The following SPAG6 variants were observed in gnomAD, a reference collection of about 807,000 sequenced individuals.
SPAG6 encodes sperm-associated antigen 6.
In SPAG6, 49 loss-of-function variants were observed where a neutral mutation model predicts 58.5. The observed-to-expected ratio is 0.84, with a 90% CI of 0.67 to 1.06. The LOEUF (loss-of-function observed/expected upper bound fraction) is 1.06. SPAG6 is among the 50% of genes least tolerant of loss of function. The pLI, the probability that SPAG6 is intolerant of heterozygous loss-of-function variation, is 0.00. For synonymous variants in SPAG6, 233 were observed against 225.6 expected (o/e 1.03, Z -0.29); for missense variants, 560 against 611.3 (o/e 0.92, Z 0.89).
rs1834869815 is a variant in SPAG6 at position 22,416,590 on chromosome 10, A to C, written c.1461-29A>C. 2.1e-6 allele frequency: 3 copies of C among 1,400,278 alleles called. No individual in the cohort carries two copies. In the African/African-American group the frequency reaches 4.2e-5, roughly 20 times the overall value. The allele number at this position is 1,400,278 out of a possible 1,614,324, so 86.7% of individuals were successfully genotyped here. A position where few individuals can be genotyped will look rare whatever the true frequency, so the allele number is the denominator to read the frequency against. On this transcript the variant is annotated intron_variant, in intron 10 of 10. Coordinates refer to ENST00000376624, the MANE Select transcript of SPAG6 (RefSeq NM_012443.4). ...TGCCTGCTGTGTTGATCGTTTCACC[A>C]GCATTTAATAGTGTATTTTCTTTTT...
rs181341932 is a variant in SPAG6, at chr10:22,413,222, C to T, written c.1460+2046C>T. 2.4e-3 allele frequency among the ~76,000 whole-genome samples: 354 copies of T among 149,702 alleles called. 9 individuals are homozygous for T. Among genetic ancestry groups the T allele is most frequent in the African/African-American group, 7.8e-3 (320 of 40,830 alleles). On this transcript the variant is annotated intron_variant, in intron 10 of 10. Coordinates refer to ENST00000376624, the MANE Select transcript of SPAG6 (RefSeq NM_012443.4). ...ATTGAGCACCAGGAAAAACTACAAA[C>T]TGCATCACATTAGAAATTAATCTAG...
intron 4 of SPAG6, among the ~76,000 whole-genome samples, chr10:22,378,067 T>TC (rs1439602216): frequency 1.4e-5 from 2 of 143,026 alleles, no homozygotes; most frequent in African/African-American, 5.2e-5. Context: ...TTTTTTTTTT[T>TC]TTTTTTTTCT....
intron 8 of SPAG6, among the ~76,000 whole-genome samples, chr10:22,395,435 T>C (rs779446506): frequency 2.6e-5 from 4 of 152,174 alleles, no homozygotes; most frequent in Non-Finnish European, 5.9e-5. Flanking sequence ...TGGGTTTGAA[T>C]TGGTATCTCA....
intron 4 of SPAG6, among the ~76,000 whole-genome samples, chr10:22,381,276 C>T (rs765309564): frequency 2.0e-5 from 3 of 151,792 alleles, no homozygotes; most frequent in Admixed American, 2.0e-4. Flanking sequence ...CCGTAGCAGG[C>T]CCACAGAGGG....
At chr10:22,413,688 G>GATATATATATATATATATAT (rs59765652) in intron 10 of SPAG6, among the ~76,000 whole-genome samples, 53 of 141,626 alleles carry the variant, frequency 3.7e-4, no homozygotes, top group African/African-American at 1.4e-3. Context: ...TCAAATTTCT[G>GATATATATATATATATATAT]ATATATATAT....
chr10:22,410,962 T>C, intron 9 of SPAG6, 69 bp from the exon 10 acceptor site: 1 of 1,494,626 alleles, frequency 6.7e-7, no homozygotes, highest in Non-Finnish European at 9.0e-7. Context: ...ACATACAGTA[T>C]TGCTTTTCAA....
chr10:22,398,507 C>G (rs1227182264), intron 8 of SPAG6, among the ~76,000 whole-genome samples: 2 of 152,184 alleles, frequency 1.3e-5, no homozygotes, highest in African/African-American at 4.8e-5. Context: ...AAGAGGATCA[C>G]TTGAGGTTAG....
At chr10:22,362,685 G>A (rs1837078980) in intron 2 of SPAG6, among the ~76,000 whole-genome samples, 1 of 151,928 alleles carries the variant, frequency 6.6e-6, no homozygotes, top group Admixed American at 6.6e-5. Context: ...AGCCATGATT[G>A]CACCCTGCAC....
chr10:22,382,306 C>A (rs1833974664), intron 4 of SPAG6, among the ~76,000 whole-genome samples: 1 of 152,116 alleles, frequency 6.6e-6, no homozygotes, highest in African/African-American at 2.4e-5. Flanking sequence ...AACAACTGAT[C>A]ATCAGATTTG....
chr10:22,376,868 T>A (rs1342328837), intron 4 of SPAG6, among the ~76,000 whole-genome samples: 2 of 151,880 alleles, frequency 1.3e-5, no homozygotes, highest in Non-Finnish European at 2.9e-5. Context: ...GAGGATTGCT[T>A]AAGGCCGGGA....
Position 22,405,684 on chromosome 10 carries a change from A to G in SPAG6, c.1314+4407A>G, listed in dbSNP as rs370030522. 3.3e-5 allele frequency among the ~76,000 whole-genome samples: 5 copies of G among 151,546 alleles called. No individual in the cohort carries two copies. The South Asian group carries it at 6.3e-4, about 19-fold the overall frequency. ...GTTAGGGAGGATTCCCTCTTTTTCTATTGATTGGAATAGTTTCAGAAGGAA... is the reference window on the plus strand; with the variant it reads ...GTTAGGGAGGATTCCCTCTTTTTCTGTTGATTGGAATAGTTTCAGAAGGAA... On this transcript the variant is annotated intron_variant, in intron 9 of 10. Coordinates refer to ENST00000376624, the MANE Select transcript of SPAG6 (RefSeq NM_012443.4).
chr10:22,385,917 G>A (rs370777610), intron 4 of SPAG6, among the ~76,000 whole-genome samples: 4 of 152,194 alleles, frequency 2.6e-5, no homozygotes, highest in African/African-American at 4.8e-5. Flanking sequence ...AATACAATGT[G>A]AGTAGAATCT....
intron 2 of SPAG6, among the ~76,000 whole-genome samples, chr10:22,361,937 C>T (rs936666382): frequency 1.3e-5 from 2 of 149,214 alleles, no homozygotes; most frequent in Non-Finnish European, 3.0e-5. Flanking sequence ...TGAAAAATTT[C>T]AAAAGATGAT....
At chr10:22,398,825 AT>A (rs886397815) in intron 8 of SPAG6, among the ~76,000 whole-genome samples, 27 of 149,206 alleles carry the variant, frequency 1.8e-4, no homozygotes, top group East Asian at 5.9e-4. Flanking sequence ...AAGTATTATT[AT>A]TTTTTTTTTT....
chr10:22,409,684 C>A, intron 9 of SPAG6, among the ~76,000 whole-genome samples: 1 of 152,118 alleles, frequency 6.6e-6, no homozygotes, highest in East Asian at 1.9e-4. Context: ...AAAAAAAGAG[C>A]GTTTCGGTCA....
chr10:22,386,312 G>T (rs1392229229), intron 4 of SPAG6, among the ~76,000 whole-genome samples: 1 of 152,060 alleles, frequency 6.6e-6, no homozygotes. Context: ...GCACAAGATT[G>T]ATGTTAATGT....
intron 2 of SPAG6, among the ~76,000 whole-genome samples, chr10:22,348,811 T>G (rs1488211046): frequency 6.6e-6 from 1 of 152,206 alleles, no homozygotes; most frequent in Non-Finnish European, 1.5e-5. Flanking sequence ...TCAGAGTTAT[T>G]TGGAAAAGAT....
chr10:22,369,522 T>C (rs1564366265), intron 4 of SPAG6, among the ~76,000 whole-genome samples: 1 of 151,966 alleles, frequency 6.6e-6, no homozygotes. Flanking sequence ...GGCAGAAGAG[T>C]AAAGCAGCAA....
rs747517987 is a variant in SPAG6, at chr10:22,407,816, TC to T, written c.1315-3214del. On this transcript the variant is annotated intron_variant, in intron 9 of 10. Transcript: ENST00000376624. ...TGGTCTTTTCACATAGTCCCATATT[TC>T]TTGGAGGCTTTGCTCATTTCTTTTT... Among the ~76,000 whole-genome samples the T allele has an allele frequency of 2.0e-4, 31 of 152,076 alleles. No homozygotes were observed. The East Asian group carries it at 4.1e-3, about 20-fold the overall frequency.
Sources: allele counts gnomAD v4.1 joint callset (sites outside exome capture counted in the v4.1 genomes callset), GRCh38; gene constraint gnomAD v4.1.1; transcripts MANE v1.5; gene names NCBI Gene and HGNC (gene_info 2026-07-23, HGNC 2026-07-21).